The following ADARB2 variants were observed in gnomAD, a reference collection of about 807,000 sequenced individuals.
ADARB2 encodes adenosine deaminase RNA specific B2 (inactive), also known as inactive double-stranded RNA-specific editase B2.
A neutral mutation model predicts 62.2 loss-of-function variants in ADARB2; 25 were observed. The observed-to-expected ratio is 0.40, with a 90% CI of 0.29 to 0.56. The LOEUF is 0.56. Among genes scored for constraint, ADARB2 ranks in the 20% least tolerant of loss-of-function variants. ADARB2 has a pLI of 0.43. For missense variants in ADARB2, 1,071 were observed against 1,077.4 expected, an observed-to-expected ratio of 0.99 and a Z score of 0.08; for synonymous variants, 572 against 500.8, an observed-to-expected ratio of 1.14 and a Z score of -1.90.
At chr10:1,697,515 G>A (rs1834762482) in intron 1 of ADARB2, among the ~76,000 whole-genome samples, 1 of 151,974 alleles carries the variant, frequency 6.6e-6, no homozygotes, top group Admixed American at 6.6e-5. Flanking sequence ...GGAAGACATT[G>A]AGAAAGTGAG....
chr10:1,516,607 T>A (rs959302778), intron 1 of ADARB2, among the ~76,000 whole-genome samples: 1 of 152,170 alleles, frequency 6.6e-6, no homozygotes, highest in Non-Finnish European at 1.5e-5. Flanking sequence ...TTGGCATGAT[T>A]TCCTGCGGCA....
chr10:1,204,200 A>G (rs1371397384), intron 7 of ADARB2, among the ~76,000 whole-genome samples: 1 of 152,100 alleles, frequency 6.6e-6, no homozygotes, highest in Non-Finnish European at 1.5e-5. Context: ...CTCTGCATAC[A>G]GGCCCCACCC....
At chr10:1,244,198 C>T (rs1830955768) in intron 4 of ADARB2, among the ~76,000 whole-genome samples, 1 of 152,272 alleles carries the variant, frequency 6.6e-6, no homozygotes, top group Non-Finnish European at 1.5e-5. Context: ...CACCATCTCA[C>T]TCAGGCCGTC....
intron 3 of ADARB2, among the ~76,000 whole-genome samples, chr10:1,349,255 AC>A (rs928805803): frequency 1.3e-5 from 2 of 151,102 alleles, no homozygotes; most frequent in African/African-American, 4.9e-5. Flanking sequence ...CCAGAGAACA[AC>A]CCCCCTTCTT....
chr10:1,719,709 AC>A (rs1835064725), intron 1 of ADARB2, among the ~76,000 whole-genome samples: 1 of 152,130 alleles, frequency 6.6e-6, no homozygotes, highest in Non-Finnish European at 1.5e-5. Context: ...AAAACAAACA[AC>A]CCTATTAAAA....
At chr10:1,691,695 G>A (rs1377802769) in intron 1 of ADARB2, among the ~76,000 whole-genome samples, 1 of 152,136 alleles carries the variant, frequency 6.6e-6, no homozygotes, top group African/African-American at 2.4e-5. Flanking sequence ...ATGGCTCCCT[G>A]TGTGCTCACT....
intron 1 of ADARB2, among the ~76,000 whole-genome samples, chr10:1,578,618 A>C (rs1232180105): frequency 2.6e-5 from 4 of 151,842 alleles, no homozygotes. Context: ...CCTTGGCTGA[A>C]CCACTGTTCT....
chr10:1,544,560 G>A (rs906239672), intron 1 of ADARB2, among the ~76,000 whole-genome samples: 6 of 152,118 alleles, frequency 3.9e-5, no homozygotes, highest in Admixed American at 1.3e-4. Flanking sequence ...TGTTGGGGCC[G>A]GGCACAGCAG....
chr10:1,401,470 G>T (rs1832662102), intron 1 of ADARB2, among the ~76,000 whole-genome samples: 1 of 152,204 alleles, frequency 6.6e-6, no homozygotes, highest in African/African-American at 2.4e-5. Flanking sequence ...GAGGGCAGGT[G>T]CCAGCGCTGT....
At chr10:1,540,723 AG>A in intron 1 of ADARB2, among the ~76,000 whole-genome samples, 1 of 84,980 alleles carries the variant, frequency 1.2e-5, no homozygotes. Flanking sequence ...GGATCCGTCC[AG>A]ATCCCACTCA....
intron 1 of ADARB2, among the ~76,000 whole-genome samples, chr10:1,603,581 T>A (rs902263006): frequency 1.4e-4 from 21 of 151,734 alleles, no homozygotes; most frequent in African/African-American, 4.8e-4. Context: ...AGGTGCCCAG[T>A]GCCATGGAGG....
intron 1 of ADARB2, among the ~76,000 whole-genome samples, chr10:1,565,421 C>G (rs1036533844): frequency 6.6e-6 from 1 of 152,112 alleles, no homozygotes; most frequent in Non-Finnish European, 1.5e-5. Flanking sequence ...AGCACGCTGT[C>G]TTCTCCGGTG....
intron 1 of ADARB2, among the ~76,000 whole-genome samples, chr10:1,379,700 G>T (rs1467959246): frequency 2.0e-5 from 3 of 152,194 alleles, no homozygotes; most frequent in African/African-American, 7.2e-5. Context: ...GCGGTGTGGG[G>T]CAGAGCATGC....
intron 1 of ADARB2, among the ~76,000 whole-genome samples, chr10:1,450,458 AC>A (rs1800491920): frequency 6.6e-6 from 1 of 151,638 alleles, no homozygotes; most frequent in Non-Finnish European, 1.5e-5. Flanking sequence ...TCAGCACCGG[AC>A]TCTGATGTCG....
chr10:1,535,716 C>G (rs1345873060), intron 1 of ADARB2: 2 of 167,238 alleles, frequency 1.2e-5, no homozygotes, highest in Non-Finnish European at 2.9e-5. Context: ...GTCGACATAA[C>G]TCACCCTGTC....
At chr10:1,649,366 C>A (rs1256903392) in intron 1 of ADARB2, among the ~76,000 whole-genome samples, 1 of 152,182 alleles carries the variant, frequency 6.6e-6, no homozygotes. Context: ...GAGTATTCCC[C>A]AATTTTCCAC....
chr10:1,284,713 A>G (rs1294008740), intron 3 of ADARB2, among the ~76,000 whole-genome samples: 1 of 152,188 alleles, frequency 6.6e-6, no homozygotes, highest in Non-Finnish European at 1.5e-5. Context: ...GTGGCAGCCT[A>G]TCTTCATGGA....
chr10:1,224,486 C>T (rs1242136023), intron 6 of ADARB2, among the ~76,000 whole-genome samples: 1 of 151,468 alleles, frequency 6.6e-6, no homozygotes, highest in Non-Finnish European at 1.5e-5. Context: ...TGTGTTTGCT[C>T]TTGCTTTTCT....
intron 2 of ADARB2, among the ~76,000 whole-genome samples, chr10:1,376,083 GAC>G (rs149972448): frequency 5.0e-4 from 74 of 148,974 alleles, no homozygotes; most frequent in African/African-American, 1.2e-3. Context: ...CACACATCAC[GAC>G]ACACACACAC....
Sources: gnomAD v4.1 joint callset for allele counts (sites outside exome capture counted in the v4.1 genomes callset) on GRCh38, gnomAD v4.1.1 for gene constraint, MANE v1.5 for transcripts, NCBI Gene and HGNC (gene_info 2026-07-23, HGNC 2026-07-21) for gene names.